Variants in LRBA observed in about 807,000 individuals in gnomAD.
LRBA encodes lipopolysaccharide-responsive and beige-like anchor protein.
A neutral mutation model predicts 330.0 loss-of-function variants in LRBA; 176 were observed. That is an observed-to-expected ratio of 0.53 (90% CI 0.47 to 0.60). The LOEUF is 0.60. Ranked by LOEUF, LRBA falls within the 20% of genes least tolerant of loss-of-function variation. LRBA has a pLI of 0.00. For missense variants in LRBA, 3,259 were observed against 3,444.8 expected, an observed-to-expected ratio of 0.95 and a Z score of 1.35; for synonymous variants, 1,230 against 1,193.0, an observed-to-expected ratio of 1.03 and a Z score of -0.64.
intron 28 of LRBA, among the ~76,000 whole-genome samples, chr4:150,837,677 A>G (rs1489646262): frequency 1.3e-5 from 2 of 152,052 alleles, no homozygotes; most frequent in African/African-American, 4.8e-5. Context: ...TTTTCAGCCT[A>G]TGTGTGTCTC....
At chr4:150,794,910 T>C (rs1280479345) in intron 34 of LRBA, among the ~76,000 whole-genome samples, 1 of 152,136 alleles carries the variant, frequency 6.6e-6, no homozygotes, top group African/African-American at 2.4e-5. Flanking sequence ...ACAAGATTTA[T>C]CTGACAGCCC....
intron 34 of LRBA, among the ~76,000 whole-genome samples, chr4:150,788,239 A>ATTTTTTTTTTTTTTTT (rs377479266): frequency 8.1e-6 from 1 of 123,228 alleles, no homozygotes; most frequent in African/African-American, 3.9e-5. Flanking sequence ...CACCCGGTTA[A>ATTTTTTTTTTTTTTTT]TTTTTTTTTT....
chr4:150,370,248 G>T (rs1740069846), intron 47 of LRBA, among the ~76,000 whole-genome samples: 1 of 152,080 alleles, frequency 6.6e-6, no homozygotes, highest in Non-Finnish European at 1.5e-5. Context: ...GCTTACAGAA[G>T]TTTTATTCAC....
intron 37 of LRBA, among the ~76,000 whole-genome samples, chr4:150,644,082 A>C (rs1326546315): frequency 6.6e-6 from 1 of 151,942 alleles, no homozygotes; most frequent in Non-Finnish European, 1.5e-5. Flanking sequence ...CATGGTATTA[A>C]AACATAAAAA....
intron 47 of LRBA, among the ~76,000 whole-genome samples, chr4:150,351,643 C>A (rs1225318017): frequency 6.6e-6 from 1 of 152,008 alleles, no homozygotes; most frequent in Non-Finnish European, 1.5e-5. Flanking sequence ...GAGCCGAGAT[C>A]GCGCCACTGC....
chr4:150,454,974 T>A (rs1412144743), intron 44 of LRBA, among the ~76,000 whole-genome samples: 1 of 125,020 alleles, frequency 8.0e-6, no homozygotes, highest in Non-Finnish European at 1.8e-5. Context: ...TTTATTTTAT[T>A]TTTTATTTTT....
At chr4:150,357,945 A>G (rs1046651238) in intron 47 of LRBA, among the ~76,000 whole-genome samples, 3 of 152,150 alleles carry the variant, frequency 2.0e-5, no homozygotes, top group Non-Finnish European at 2.9e-5. Flanking sequence ...ATAAAGAAAG[A>G]AACACGAACA....
chr4:150,351,487 A>G (rs1286115291), intron 47 of LRBA, among the ~76,000 whole-genome samples: 1 of 152,144 alleles, frequency 6.6e-6, no homozygotes, highest in Non-Finnish European at 1.5e-5. Context: ...CAGGAGATCG[A>G]GACCATCCTG....
chr4:150,862,394 C>T (rs902043016), intron 22 of LRBA, among the ~76,000 whole-genome samples: 4 of 152,056 alleles, frequency 2.6e-5, no homozygotes, highest in Admixed American at 6.5e-5. Context: ...ATGGATGAAA[C>T]TGGAAACCAT....
intron 36 of LRBA, 46 bp downstream of exon 36, chr4:150,735,212 A>C (rs777518295): frequency 7.5e-7 from 1 of 1,341,044 alleles, no homozygotes; most frequent in South Asian, 1.2e-5. Flanking sequence ...CATGATTATC[A>C]TTAAAAAACG....
intron 38 of LRBA, among the ~76,000 whole-genome samples, chr4:150,592,764 A>C (rs1279556019): frequency 6.6e-6 from 1 of 152,062 alleles, no homozygotes; most frequent in Non-Finnish European, 1.5e-5. Flanking sequence ...AGTGGCTGGG[A>C]CCACAGGTGC....
At chr4:150,638,921 T>C (rs1355098630) in intron 37 of LRBA, among the ~76,000 whole-genome samples, 70 of 89,836 alleles carry the variant, frequency 7.8e-4, no homozygotes, top group African/African-American at 2.4e-3. Context: ...TATTGCGGCA[T>C]TATTCACAAT....
intron 40 of LRBA, among the ~76,000 whole-genome samples, chr4:150,500,140 A>G (rs991473353): frequency 2.0e-5 from 3 of 152,210 alleles, no homozygotes; most frequent in African/African-American, 7.2e-5. Context: ...GATGTTTGAC[A>G]TGATTAATAT....
intron 40 of LRBA, among the ~76,000 whole-genome samples, chr4:150,566,328 C>T (rs977007911): frequency 3.3e-5 from 5 of 152,102 alleles, no homozygotes; most frequent in Non-Finnish European, 5.9e-5. Flanking sequence ...CATAAATCTA[C>T]CATTTCAATT....
At position 150,696,353 on chromosome 4, in the gene LRBA, A is replaced by G. The variant is rs368992443; in HGVS notation, c.5755-12636T>C. ...AGTTAAGAGCACCAACTCTAGAGCT[A>G]GATGACTTGAGTTTTAACTCTTGGT... On this transcript the variant is annotated intron_variant, in intron 36 of 56. Coordinates refer to ENST00000651943, the MANE Select transcript of LRBA (RefSeq NM_001364905.1). Among the ~76,000 whole-genome samples the G allele has an allele frequency of 2.6e-5, 4 of 152,368 alleles. No homozygotes were observed. In the East Asian group the frequency reaches 5.8e-4, roughly 22 times the overall value.
intron 48 of LRBA, among the ~76,000 whole-genome samples, chr4:150,329,717 C>T (rs1187158196): frequency 6.6e-6 from 1 of 152,156 alleles, no homozygotes; most frequent in African/African-American, 2.4e-5. Flanking sequence ...TGTGTAAGCA[C>T]ATGTATGTCT....
chr4:150,985,467 A>C (rs1741343372), intron 2 of LRBA, among the ~76,000 whole-genome samples: 1 of 151,348 alleles, frequency 6.6e-6, no homozygotes, highest in Non-Finnish European at 1.5e-5. Context: ...ATACAGGTTG[A>C]AATCTAGAAT....
At chr4:150,605,982 A>G (rs149417163) in intron 37 of LRBA, among the ~76,000 whole-genome samples, 3 of 152,292 alleles carry the variant, frequency 2.0e-5, no homozygotes, top group Admixed American at 2.0e-4. Flanking sequence ...TGACATTGAG[A>G]CACTGGAGTA....
At chr4:150,750,530 A>G (rs529431620) in intron 35 of LRBA, among the ~76,000 whole-genome samples, 1 of 152,202 alleles carries the variant, frequency 6.6e-6, no homozygotes, top group African/African-American at 2.4e-5. Flanking sequence ...GGGTCTTGCT[A>G]TGTTGTCCAG....
Sources: allele counts gnomAD v4.1 joint callset (sites outside exome capture counted in the v4.1 genomes callset), GRCh38; gene constraint gnomAD v4.1.1; transcripts MANE v1.5; gene names NCBI Gene and HGNC (gene_info 2026-07-23, HGNC 2026-07-21).